The following MAST4 variants were observed in gnomAD, a reference collection of about 807,000 sequenced individuals.
MAST4 encodes the protein microtubule-associated serine/threonine-protein kinase 4.
Under a neutral mutation model 162.7 loss-of-function variants are expected in MAST4, and 89 were observed. The observed-to-expected ratio is 0.55, with a 90% CI of 0.46 to 0.65. MAST4 has a LOEUF of 0.65. Ranked by LOEUF, MAST4 falls within the 30% of genes least tolerant of loss-of-function variation. The probability of loss-of-function intolerance (pLI) is 0.00; values close to 1 mark genes in which losing one functional copy is unlikely to be tolerated. For missense variants in MAST4, 3,153 were observed against 3,374.0 expected (o/e 0.93, Z 1.62); for synonymous variants, 1,479 against 1,361.1 (o/e 1.09, Z -1.91).
At chr5:66,993,618 C>G (rs1376838931) in intron 4 of MAST4, among the ~76,000 whole-genome samples, 1 of 152,066 alleles carries the variant, frequency 6.6e-6, no homozygotes, top group African/African-American at 2.4e-5. Context: ...AGCAGAGGAG[C>G]TGGAAATTCT....
intron 3 of MAST4, among the ~76,000 whole-genome samples, chr5:66,800,725 G>T (rs1256203739): frequency 1.3e-5 from 2 of 151,948 alleles, no homozygotes; most frequent in African/African-American, 2.4e-5. Context: ...TAAATAAAAA[G>T]ACCACTAGAA....
chr5:66,731,802 A>G lies in MAST4; in HGVS notation c.364-27907A>G, dbSNP rs116033058. 5.2e-3 allele frequency among the ~76,000 whole-genome samples: 784 copies of G among 151,918 alleles called. 6 individuals are homozygous for G. The highest frequency in any genetic ancestry group is 0.018 in the African/African-American group (745 of 41,404). ...GGATTTTCACCTGCTTTCTTGATAAATCCATTAAGGTGTCCCAGAGGCAAC... is the reference window on the plus strand; with the variant it reads ...GGATTTTCACCTGCTTTCTTGATAAGTCCATTAAGGTGTCCCAGAGGCAAC... On this transcript the variant is annotated intron_variant, in intron 1 of 28. Transcript: ENST00000403625.
In MAST4 at chr5:67,153,572, C is replaced by T. The variant is rs1423610654; in HGVS notation, c.3640C>T (p.Leu1214=). Reference sequence around the variant, plus strand: ...TGTCCACACAGAAGTTATAGAACTCCTACTGAAGGTATTGTATGTTTTATG... The same window carrying T: ...TGTCCACACAGAAGTTATAGAACTCTTACTGAAGGTATTGTATGTTTTATG... ...GLVHTEVIEL[L]LKSGNKVSIT... The change falls in exon 26 of 29, where the codon CTA becomes TTA. Residue 1214 remains leucine, a synonymous_variant. Coordinates refer to ENST00000403625, the MANE Select transcript of MAST4 (RefSeq NM_001164664.2). 2 of 1,582,450 alleles carry T rather than the reference C, an allele frequency of 1.3e-6. No homozygotes were observed. The highest frequency in any genetic ancestry group is 8.6e-7 in the Non-Finnish European group (1 of 1,163,510).
At chr5:67,149,337 C>G (rs1771498622) in intron 23 of MAST4, 52 bp from the exon 24 acceptor site, 1 of 1,523,716 alleles carries the variant, frequency 6.6e-7, no homozygotes, top group Admixed American at 1.9e-5. Context: ...GTCTTCCCAC[C>G]TCTCCTATCC....
chr5:66,873,480 C>T (rs889940839), intron 3 of MAST4, among the ~76,000 whole-genome samples: 14 of 152,300 alleles, frequency 9.2e-5, no homozygotes, highest in African/African-American at 3.4e-4. Context: ...GGTAAACCAG[C>T]TGCCAAATCT....
At chr5:67,096,330 T>C (rs1764467744) in intron 7 of MAST4, among the ~76,000 whole-genome samples, 1 of 152,180 alleles carries the variant, frequency 6.6e-6, no homozygotes, top group African/African-American at 2.4e-5. Context: ...TATGTTTTTT[T>C]AGTTTATGTT....
At position 67,032,723 on chromosome 5, in the gene MAST4, C is replaced by T. The variant is rs145854467; in HGVS notation, c.675-21681C>T. On this transcript the variant is annotated intron_variant, in intron 4 of 28. Coordinates refer to ENST00000403625, the MANE Select transcript of MAST4 (RefSeq NM_001164664.2). ...TGTCAGTATGTACAATGATTATTTA[C>T]CATAGACTTTTAGGTAAATGATGAG... 3.2e-3 allele frequency among the ~76,000 whole-genome samples: 489 copies of T among 152,146 alleles called. 2 individuals carry two copies. Among genetic ancestry groups the T allele is most frequent in the Admixed American group, 6.2e-3 (94 of 15,254 alleles).
intron 3 of MAST4, among the ~76,000 whole-genome samples, chr5:66,817,557 A>G (rs969947256): frequency 1.1e-4 from 17 of 152,362 alleles, no homozygotes; most frequent in African/African-American, 4.1e-4. Context: ...TGCCTTACTT[A>G]AAGAATATTA....
At chr5:66,993,929 C>G (rs558769576) in intron 4 of MAST4, among the ~76,000 whole-genome samples, 2 of 99,408 alleles carry the variant, frequency 2.0e-5, no homozygotes, top group African/African-American at 7.7e-5. Flanking sequence ...GACCCCCCCC[C>G]CCACCCCACC....
At chr5:67,128,866 C>G (rs919725442) in intron 14 of MAST4, among the ~76,000 whole-genome samples, 2 of 152,150 alleles carry the variant, frequency 1.3e-5, no homozygotes, top group African/African-American at 4.8e-5. Context: ...TAAATGATTT[C>G]TTGTTTGATC....
intron 4 of MAST4, chr5:66,930,784 G>A (rs950138223): frequency 3.2e-5 from 15 of 470,726 alleles, no homozygotes; most frequent in African/African-American, 3.0e-4. Flanking sequence ...CGTGGATTGA[G>A]AGGAAATAAG....
At chr5:66,767,976 A>G (rs576816414) in intron 2 of MAST4, among the ~76,000 whole-genome samples, 16 of 152,270 alleles carry the variant, frequency 1.1e-4, no homozygotes, top group African/African-American at 3.9e-4. Context: ...TCCAGCATCC[A>G]CACTTTACAT....
intron 1 of MAST4, among the ~76,000 whole-genome samples, chr5:66,634,724 T>C (rs547481519): frequency 6.6e-6 from 1 of 152,234 alleles, no homozygotes; most frequent in Non-Finnish European, 1.5e-5. Flanking sequence ...GGAAGTTGTT[T>C]ACACTTTGTT....
chr5:66,711,085 A>G (rs1034773962), intron 1 of MAST4, among the ~76,000 whole-genome samples: 2 of 152,288 alleles, frequency 1.3e-5, no homozygotes, highest in South Asian at 2.1e-4. Flanking sequence ...TATAAATGTC[A>G]TCATACGGGA....
At chr5:67,080,321 C>T (rs546657454) in intron 5 of MAST4, among the ~76,000 whole-genome samples, 1 of 152,146 alleles carries the variant, frequency 6.6e-6, no homozygotes, top group Non-Finnish European at 1.5e-5. Context: ...TTTAAAGACC[C>T]TGTCATGTTC....
chr5:66,935,091 G>T (rs915601640), intron 4 of MAST4, among the ~76,000 whole-genome samples: 1 of 152,166 alleles, frequency 6.6e-6, no homozygotes, highest in Non-Finnish European at 1.5e-5. Flanking sequence ...TTTCGTGAGA[G>T]AGTGTATCAA....
intron 1 of MAST4, among the ~76,000 whole-genome samples, chr5:66,740,144 T>C (rs971767970): frequency 6.6e-6 from 1 of 152,084 alleles, no homozygotes; most frequent in Non-Finnish European, 1.5e-5. Flanking sequence ...CTGCATAAAG[T>C]TGAAACCCTA....
chr5:66,647,858 T>C (rs946654689), intron 1 of MAST4, among the ~76,000 whole-genome samples: 3 of 152,194 alleles, frequency 2.0e-5, no homozygotes, highest in Admixed American at 1.3e-4. Flanking sequence ...GGAAAATATC[T>C]GGATTTTTTA....
intron 5 of MAST4, among the ~76,000 whole-genome samples, chr5:67,057,635 A>G (rs1393629709): frequency 2.0e-5 from 3 of 151,786 alleles, no homozygotes; most frequent in African/African-American, 7.3e-5. Context: ...AAAAGAAGGC[A>G]TAGAAAATCA....
Sources: allele counts gnomAD v4.1 joint callset (sites outside exome capture counted in the v4.1 genomes callset), GRCh38; gene constraint gnomAD v4.1.1; transcripts MANE v1.5; gene names NCBI Gene and HGNC (gene_info 2026-07-23, HGNC 2026-07-21).